Variants in SLC30A8 observed in about 807,000 individuals in gnomAD.
The protein encoded by SLC30A8 is proton-coupled zinc antiporter SLC30A8.
In SLC30A8, 27 loss-of-function variants were observed where a neutral mutation model predicts 36.9. That is an observed-to-expected ratio of 0.73 (90% CI 0.54 to 1.01). The LOEUF (loss-of-function observed/expected upper bound fraction) is 1.01. Ranked by LOEUF, SLC30A8 falls within the 50% of genes least tolerant of loss-of-function variation. The pLI, the probability that SLC30A8 is intolerant of heterozygous loss-of-function variation, is 0.00. For missense variants in SLC30A8, 439 were observed against 452.0 expected (o/e 0.97, Z 0.26); for synonymous variants, 164 against 172.4 (o/e 0.95, Z 0.38).
intron 1 of SLC30A8, among the ~76,000 whole-genome samples, chr8:116,982,791 C>CTAAAA (rs1421390222): frequency 6.6e-6 from 1 of 152,014 alleles, no homozygotes; most frequent in East Asian, 1.9e-4. Flanking sequence ...GGTAAAGGGG[C>CTAAAA]ACATATATTT....
chr8:117,024,254 A>C (rs999555025), intron 1 of SLC30A8, among the ~76,000 whole-genome samples: 2 of 152,226 alleles, frequency 1.3e-5, no homozygotes, highest in African/African-American at 4.8e-5. Flanking sequence ...CGATTTTAGG[A>C]AATACTGTCT....
chr8:117,069,127 C>T (rs1748657675), intron 2 of SLC30A8, among the ~76,000 whole-genome samples: 1 of 151,620 alleles, frequency 6.6e-6, no homozygotes, highest in Admixed American at 6.6e-5. Flanking sequence ...TATTAGAGAG[C>T]AATGCAAACT....
At chr8:117,096,199 C>T (rs1203689871) in intron 2 of SLC30A8, among the ~76,000 whole-genome samples, 1 of 152,120 alleles carries the variant, frequency 6.6e-6, no homozygotes, top group Non-Finnish European at 1.5e-5. Flanking sequence ...AAGGAGAACT[C>T]GTTTTCTCTG....
At chr8:117,030,308 C>T (rs1817001809) in intron 1 of SLC30A8, among the ~76,000 whole-genome samples, 1 of 151,058 alleles carries the variant, frequency 6.6e-6, no homozygotes, top group South Asian at 2.1e-4. Context: ...AAAAGATGCT[C>T]TGCATGTAAA....
chr8:116,959,063 ATGGTCTCGATCTCCTGACC>A (rs1216362069), intron 1 of SLC30A8, among the ~76,000 whole-genome samples: 2 of 151,560 alleles, frequency 1.3e-5, no homozygotes, highest in Non-Finnish European at 2.9e-5. Flanking sequence ...GTTAGCCGGG[ATGGTCTCGATCTCCTGACC>A]TCGTGATCTG....
At position 117,034,374 on chromosome 8, in the gene SLC30A8, C is replaced by T. The variant is rs537397504; in HGVS notation, c.-265-4845C>T. 1.4e-4 allele frequency among the ~76,000 whole-genome samples: 21 copies of T among 152,220 alleles called. No homozygotes were observed. The South Asian group carries it at 3.5e-3, about 26-fold the overall frequency. On this transcript the variant is annotated intron_variant, in intron 1 of 10. Coordinates refer to the SLC30A8 transcript ENST00000427715. Reference sequence around the variant, plus strand: ...CTTACCATTTCCTCTTTTAACTGTCCGTTGTAATTTAAATTTTACTACATA... The same window carrying T: ...CTTACCATTTCCTCTTTTAACTGTCTGTTGTAATTTAAATTTTACTACATA...
At chr8:117,035,472 C>A (rs1817183310) in intron 1 of SLC30A8, among the ~76,000 whole-genome samples, 1 of 152,184 alleles carries the variant, frequency 6.6e-6, no homozygotes, top group African/African-American at 2.4e-5. Context: ...GCGTGGGCTC[C>A]CACAGCCTTG....
At chr8:117,070,789 A>G (rs1185543909) in intron 2 of SLC30A8, among the ~76,000 whole-genome samples, 1 of 152,136 alleles carries the variant, frequency 6.6e-6, no homozygotes, top group Non-Finnish European at 1.5e-5. Context: ...TTCTACTTCT[A>G]TGAGTTCAAC....
intron 2 of SLC30A8, among the ~76,000 whole-genome samples, chr8:117,107,814 A>G (rs1050161652): frequency 2.0e-5 from 3 of 152,198 alleles, no homozygotes; most frequent in African/African-American, 7.2e-5. Context: ...ATCAACCACA[A>G]TATAAAGACA....
intron 1 of SLC30A8, among the ~76,000 whole-genome samples, chr8:117,012,998 G>A (rs1816398566): frequency 6.6e-6 from 1 of 152,024 alleles, no homozygotes; most frequent in Admixed American, 6.6e-5. Flanking sequence ...TGATGAAAGA[G>A]CAAGCAGACC....
intron 2 of SLC30A8, among the ~76,000 whole-genome samples, chr8:117,050,094 C>A (rs959863445): frequency 6.6e-6 from 1 of 152,146 alleles, no homozygotes; most frequent in Non-Finnish European, 1.5e-5. Flanking sequence ...TGCTCTCTTC[C>A]ACATCATTAC....
At chr8:117,042,690 A>G (rs938994374) in intron 2 of SLC30A8, among the ~76,000 whole-genome samples, 1 of 150,472 alleles carries the variant, frequency 6.6e-6, no homozygotes, top group African/African-American at 2.4e-5. Context: ...TTTTTTTTAG[A>G]AGGAGTTTCG....
At chr8:117,059,917 T>A (rs1320351878) in intron 2 of SLC30A8, among the ~76,000 whole-genome samples, 1 of 151,978 alleles carries the variant, frequency 6.6e-6, no homozygotes, top group Admixed American at 6.6e-5. Flanking sequence ...AAGGGAAAAG[T>A]AATGAGGTTC....
Position 116,990,537 on chromosome 8 carries a change from G to A in SLC30A8, c.-266+39418G>A, listed in dbSNP as rs1815600359. 2.0e-5 allele frequency among the ~76,000 whole-genome samples: 3 copies of A among 152,218 alleles called. 1 individual carries two copies. The highest frequency in any genetic ancestry group is 6.8e-3 in the Middle Eastern group (2 of 294). On this transcript the variant is annotated intron_variant, in intron 1 of 10. Coordinates refer to the SLC30A8 transcript ENST00000427715. ...GAGAATTCTACAAAATATCTGACCA[G>A]TACTCCTCAAAACTGTCTAACTTAT...
chr8:117,087,720 T>G (rs1286274824), intron 2 of SLC30A8, among the ~76,000 whole-genome samples: 3 of 152,218 alleles, frequency 2.0e-5, no homozygotes, highest in Non-Finnish European at 4.4e-5. Context: ...TCTGGCTCAG[T>G]GTCAGCTGTA....
chr8:117,028,326 A>C (rs1231626097), intron 1 of SLC30A8, among the ~76,000 whole-genome samples: 1 of 152,190 alleles, frequency 6.6e-6, no homozygotes, highest in Non-Finnish European at 1.5e-5. Context: ...ATAGTGAACC[A>C]CTCAGACCAC....
chr8:117,055,334 A>T (rs1032197932), intron 2 of SLC30A8, among the ~76,000 whole-genome samples: 2 of 152,196 alleles, frequency 1.3e-5, no homozygotes, highest in African/African-American at 4.8e-5. Flanking sequence ...CCTTGGTTAT[A>T]TGCTGGTGGA....
At chr8:117,080,187 T>C (rs1818625440) in intron 2 of SLC30A8, among the ~76,000 whole-genome samples, 1 of 152,176 alleles carries the variant, frequency 6.6e-6, no homozygotes, top group African/African-American at 2.4e-5. Context: ...TACTCTTGTT[T>C]TACAAATAAT....
chr8:116,992,439 A>T (rs975565872), intron 1 of SLC30A8, among the ~76,000 whole-genome samples: 2 of 152,164 alleles, frequency 1.3e-5, no homozygotes, highest in African/African-American at 4.8e-5. Flanking sequence ...GTACACGATG[A>T]GCCCTAAATT....
Sources: allele counts gnomAD v4.1 joint callset (sites outside exome capture counted in the v4.1 genomes callset), GRCh38; gene constraint gnomAD v4.1.1; transcripts MANE v1.5; gene names NCBI Gene and HGNC (gene_info 2026-07-23, HGNC 2026-07-21).